The following SDK1 variants were observed in gnomAD, a reference collection of about 807,000 sequenced individuals.
The protein encoded by SDK1 is protein sidekick-1.
Under a neutral mutation model 245.5 loss-of-function variants are expected in SDK1, and 157 were observed. The ratio of observed to expected loss-of-function variants is 0.64; its 90% CI spans 0.56 to 0.73. The LOEUF (loss-of-function observed/expected upper bound fraction) is 0.73. Ranked by LOEUF, SDK1 falls within the 30% of genes least tolerant of loss-of-function variation. The probability of loss-of-function intolerance (pLI) is 0.00; values close to 1 mark genes in which losing one functional copy is unlikely to be tolerated. For synonymous variants in SDK1, 1,647 were observed against 1,278.5 expected, an observed-to-expected ratio of 1.29 and a Z score of -6.15; for missense variants, 3,583 against 3,002.3, an observed-to-expected ratio of 1.19 and a Z score of -4.52.
At chr7:4,234,615 GC>G (rs1786029743) in intron 41 of SDK1, among the ~76,000 whole-genome samples, 2 of 152,172 alleles carry the variant, frequency 1.3e-5, no homozygotes, top group African/African-American at 2.4e-5. Flanking sequence ...TGGCCCCCCA[GC>G]CCCCCATGTG....
rs115834526 is a variant in SDK1 at position 3,786,322 on chromosome 7, A to G, written c.714-35128A>G. 5.7e-3 allele frequency among the ~76,000 whole-genome samples: 876 copies of G among 152,350 alleles called. 7 individuals are homozygous for G. Among genetic ancestry groups the G allele is most frequent in the African/African-American group, 0.02 (820 of 41,576 alleles). ...GTTGCAGAGTTAAACACAGCTTTCTAGTGAATCCTCACCCTAGAGTAGAGG... is the reference window on the plus strand; with the variant it reads ...GTTGCAGAGTTAAACACAGCTTTCTGGTGAATCCTCACCCTAGAGTAGAGG... On this transcript the variant is annotated intron_variant, in intron 4 of 44. Transcript: ENST00000404826.
At chr7:3,531,580 A>G (rs1031720375) in intron 1 of SDK1, among the ~76,000 whole-genome samples, 1 of 152,232 alleles carries the variant, frequency 6.6e-6, no homozygotes, top group African/African-American at 2.4e-5. Context: ...CTACCTAAGT[A>G]TGTCTCAGAT....
At chr7:3,783,122 T>C (rs1286627854) in intron 4 of SDK1, among the ~76,000 whole-genome samples, 1 of 152,246 alleles carries the variant, frequency 6.6e-6, no homozygotes, top group Non-Finnish European at 1.5e-5. Context: ...ACAAAAGCCA[T>C]GTGCTCATTT....
At chr7:3,834,274 C>T (rs906956603) in intron 5 of SDK1, among the ~76,000 whole-genome samples, 1 of 152,244 alleles carries the variant, frequency 6.6e-6, no homozygotes, top group Non-Finnish European at 1.5e-5. Context: ...ACTTATCAGG[C>T]ATTACGCTTG....
chr7:3,353,135 T>C (rs1780704214), intron 1 of SDK1, among the ~76,000 whole-genome samples: 1 of 152,208 alleles, frequency 6.6e-6, no homozygotes, highest in Non-Finnish European at 1.5e-5. Flanking sequence ...TTTCCTGTTA[T>C]CATTGTTCCC....
At chr7:3,953,015 G>T (rs567159967) in intron 7 of SDK1, among the ~76,000 whole-genome samples, 1 of 152,066 alleles carries the variant, frequency 6.6e-6, no homozygotes, top group African/African-American at 2.4e-5. Flanking sequence ...GTTGATAAGA[G>T]GTAGCCTTAG....
intron 5 of SDK1, among the ~76,000 whole-genome samples, chr7:3,930,562 G>C (rs983741900): frequency 1.2e-4 from 18 of 152,226 alleles, no homozygotes; most frequent in African/African-American, 3.1e-4. Context: ...AGTGCTCAGA[G>C]ACTGAAAATC....
intron 37 of SDK1, among the ~76,000 whole-genome samples, chr7:4,208,533 C>T (rs6967290): frequency 0.011 from 1,657 of 152,308 alleles, 32 homozygotes; most frequent in African/African-American, 0.038. Flanking sequence ...CATGCTTTTT[C>T]CCAGAGCCCT....
At chr7:3,565,858 A>T (rs1032583071) in intron 1 of SDK1, among the ~76,000 whole-genome samples, 1 of 152,210 alleles carries the variant, frequency 6.6e-6, no homozygotes, top group African/African-American at 2.4e-5. Flanking sequence ...ATTTTTTCCG[A>T]ATATTTTCCA....
At chr7:3,957,132 C>G (rs1781332537) in intron 7 of SDK1, among the ~76,000 whole-genome samples, 1 of 152,058 alleles carries the variant, frequency 6.6e-6, no homozygotes, top group Admixed American at 6.5e-5. Flanking sequence ...AATGACAAAC[C>G]TACAGAAACA....
In SDK1 at chr7:3,967,443, C is replaced by T. The variant is rs778888337; in HGVS notation, c.1546+9C>T. ...CATCACCTGGAAAAGAGGTGGGTAG[C>T]ATCCACTGCCCACAACAGCATGGCC... is the stretch of plus-strand genomic sequence containing the variant. On this transcript the variant is annotated intron_variant, in intron 10 of 44. Transcript: ENST00000404826. The T allele has an allele frequency of 2.0e-6, 3 of 1,528,376 alleles. No homozygotes were observed. The highest frequency in any genetic ancestry group is 2.2e-5 in the East Asian group (1 of 44,484). 94.7% of individuals were successfully genotyped at this position (1,528,376 alleles called of 1,614,324 possible). A position where few individuals can be genotyped will look rare whatever the true frequency, so the allele number is the denominator to read the frequency against.
intron 1 of SDK1, among the ~76,000 whole-genome samples, chr7:3,326,384 A>G (rs1779941278): frequency 6.6e-6 from 1 of 152,164 alleles, no homozygotes; most frequent in Non-Finnish European, 1.5e-5. Context: ...TTTTCAATGG[A>G]TGTATGCTCT....
At chr7:4,088,144 G>A (rs1345697988) in intron 22 of SDK1, among the ~76,000 whole-genome samples, 1 of 152,098 alleles carries the variant, frequency 6.6e-6, no homozygotes, top group African/African-American at 2.4e-5. Context: ...TGCAAACCTC[G>A]GAAGTCTGTG....
intron 26 of SDK1, 200 bp from the exon 27 acceptor site, chr7:4,129,708 G>C (rs1284854814): frequency 2.1e-6 from 3 of 1,416,208 alleles, no homozygotes; most frequent in African/African-American, 2.9e-5. Flanking sequence ...AGCTCCCCTG[G>C]AGCGCAGTCA....
At chr7:3,545,158 A>G (rs984706815) in intron 1 of SDK1, among the ~76,000 whole-genome samples, 16 of 152,076 alleles carry the variant, frequency 1.1e-4, no homozygotes, top group African/African-American at 3.4e-4. Flanking sequence ...AGAGAGTTTT[A>G]ATTGACGCCT....
At chr7:3,913,783 G>T (rs1779272355) in intron 5 of SDK1, among the ~76,000 whole-genome samples, 1 of 152,092 alleles carries the variant, frequency 6.6e-6, no homozygotes, top group Non-Finnish European at 1.5e-5. Context: ...ATATTTTGGG[G>T]TAGACAGATG....
intron 5 of SDK1, among the ~76,000 whole-genome samples, chr7:3,843,801 C>G (rs1780214395): frequency 6.6e-6 from 1 of 151,840 alleles, no homozygotes; most frequent in Non-Finnish European, 1.5e-5. Flanking sequence ...GGAGCTTGAG[C>G]CAGATGAACT....
chr7:3,312,448 T>C (rs1214724278), intron 1 of SDK1, among the ~76,000 whole-genome samples: 1 of 152,052 alleles, frequency 6.6e-6, no homozygotes, highest in Non-Finnish European at 1.5e-5. Context: ...GATTAATTGC[T>C]TAAAATTATG....
At chr7:3,580,684 A>T (rs113730779) in intron 1 of SDK1, among the ~76,000 whole-genome samples, 2 of 152,126 alleles carry the variant, frequency 1.3e-5, no homozygotes, top group Admixed American at 1.3e-4. Flanking sequence ...ACTCTGGAAG[A>T]TGGGCTGGGC....
Sources: allele counts gnomAD v4.1 joint callset (sites outside exome capture counted in the v4.1 genomes callset), GRCh38; gene constraint gnomAD v4.1.1; transcripts MANE v1.5; gene names NCBI Gene and HGNC (gene_info 2026-07-23, HGNC 2026-07-21).